The following ACYP2 variants were observed in gnomAD, a reference collection of about 807,000 sequenced individuals.
ACYP2 encodes acylphosphatase-2.
A neutral mutation model predicts 11.2 loss-of-function variants in ACYP2; 12 were observed. The ratio of observed to expected loss-of-function variants is 1.08; its 90% CI spans 0.69 to 1.74. ACYP2 has a LOEUF of 1.74. Ranked by LOEUF, ACYP2 falls within the 40% of genes most tolerant of loss-of-function variation. The pLI is 0.00. For synonymous variants in ACYP2, 43 were observed against 32.2 expected, an observed-to-expected ratio of 1.33 and a Z score of -1.13; for missense variants, 134 against 101.9, an observed-to-expected ratio of 1.31 and a Z score of -1.35.
At chr2:54,215,597 T>C (rs1181673574) in intron 6 of ACYP2, among the ~76,000 whole-genome samples, 1 of 152,168 alleles carries the variant, frequency 6.6e-6, no homozygotes, top group Non-Finnish European at 1.5e-5. Flanking sequence ...ATAGCTGCTA[T>C]TGTGGTTTGG....
chr2:54,062,928 A>G (rs1317990996), intron 4 of ACYP2, among the ~76,000 whole-genome samples: 1 of 152,154 alleles, frequency 6.6e-6, no homozygotes, highest in Non-Finnish European at 1.5e-5. Flanking sequence ...CTAGTTATTA[A>G]AGGCTTAAGA....
chr2:54,087,280 A>T (rs573912225), intron 4 of ACYP2, among the ~76,000 whole-genome samples: 2 of 152,230 alleles, frequency 1.3e-5, no homozygotes, highest in African/African-American at 4.8e-5. Flanking sequence ...TAAAGTGTAC[A>T]TTTGTTATTT....
At chr2:54,097,827 T>G (rs1382529391) in intron 4 of ACYP2, among the ~76,000 whole-genome samples, 1 of 151,972 alleles carries the variant, frequency 6.6e-6, no homozygotes, top group Non-Finnish European at 1.5e-5. Flanking sequence ...TTATACCTAA[T>G]GAATTAACAA....
chr2:54,077,063 A>G (rs535054204), intron 4 of ACYP2, among the ~76,000 whole-genome samples: 17 of 152,340 alleles, frequency 1.1e-4, no homozygotes, highest in Middle Eastern at 3.4e-3. Context: ...TACAGAGCTA[A>G]TGAAACCTAC....
chr2:54,201,660 T>TTC (rs1684823745), intron 6 of ACYP2, among the ~76,000 whole-genome samples: 1 of 94,070 alleles, frequency 1.1e-5, no homozygotes, highest in African/African-American at 3.9e-5. Flanking sequence ...CTTTCTTTCT[T>TTC]TCTTTCTTTC....
At chr2:54,073,949 G>C (rs570564650) in intron 4 of ACYP2, among the ~76,000 whole-genome samples, 6 of 152,294 alleles carry the variant, frequency 3.9e-5, no homozygotes, top group South Asian at 4.1e-4. Context: ...GAAAAATAGT[G>C]CAAATTCTTT....
Position 54,283,619 on chromosome 2 carries a change from A to T in ACYP2, c.405-21069A>T, listed in dbSNP as rs557308785. ...ACTTCGTAGTGCCTTCTGGATCATA[A>T]AGTAGATGTAATATAGTAGGAGTTT... is the stretch of plus-strand genomic sequence containing the variant. On this transcript the variant is annotated intron_variant, in intron 6 of 6. Transcript: ENST00000607452. 3.9e-5 allele frequency among the ~76,000 whole-genome samples: 6 copies of T among 152,350 alleles called. No individual in the cohort carries two copies. In the South Asian group the frequency reaches 1.2e-3, roughly 32 times the overall value.
Position 54,011,748 on chromosome 2 carries a change from T to A in ACYP2, c.62+37938T>A, listed in dbSNP as rs113733889. Among the ~76,000 whole-genome samples, 16 of 146,470 alleles carry A rather than the reference T, an allele frequency of 1.1e-4. No individual in the cohort carries two copies. The East Asian group carries it at 1.8e-3, about 17-fold the overall frequency. The stretch of plus-strand genomic sequence containing the variant: ...ATCTTTTTTGGTGTATTTTTTTTTT[T>A]AATCTAATCTTTGTTTCTCCATTCT... On this transcript the variant is annotated intron_variant, in intron 2 of 6. Coordinates refer to ENST00000607452, the MANE Select transcript of ACYP2 (RefSeq NM_001320586.2).
chr2:54,175,475 AAAC>A (rs1414235821), intron 6 of ACYP2, among the ~76,000 whole-genome samples: 2 of 151,904 alleles, frequency 1.3e-5, no homozygotes, highest in Non-Finnish European at 2.9e-5. Context: ...TCTTTTCAAA[AAAC>A]AAGCTCCTGG....
Position 54,098,842 on chromosome 2 carries a change from C to T in ACYP2, c.278-36611C>T, listed in dbSNP as rs190105483. On this transcript the variant is annotated intron_variant, in intron 4 of 6. Coordinates refer to ENST00000607452, the MANE Select transcript of ACYP2 (RefSeq NM_001320586.2). ...TCCCAGGCTCAAGTGATTCTTCTGC[C>T]TCAGCCTTCTGAGTAGCTGGAACTA... 1.0e-3 allele frequency among the ~76,000 whole-genome samples: 155 copies of T among 152,086 alleles called. 1 individual carries two copies. The highest frequency in any genetic ancestry group is 2.9e-3 in the Admixed American group (45 of 15,270).
At chr2:54,303,228 G>A (rs1689795174) in intron 6 of ACYP2, among the ~76,000 whole-genome samples, 1 of 152,102 alleles carries the variant, frequency 6.6e-6, no homozygotes, top group African/African-American at 2.4e-5. Context: ...GTGCGTGCCT[G>A]TAGTCCCAGC....
chr2:54,253,993 A>G (rs1241942385), intron 6 of ACYP2: 2 of 152,210 alleles, frequency 1.3e-5, no homozygotes, highest in Non-Finnish European at 2.9e-5. Flanking sequence ...GAGAGAAAAG[A>G]AAGTGTACAC....
intron 2 of ACYP2, among the ~76,000 whole-genome samples, chr2:54,017,029 A>G (rs1355016036): frequency 6.6e-6 from 1 of 151,764 alleles, no homozygotes; most frequent in African/African-American, 2.4e-5. Context: ...CCGGCCCTTC[A>G]GTGTCTTTTG....
intron 6 of ACYP2, among the ~76,000 whole-genome samples, chr2:54,176,054 T>G (rs1429358517): frequency 6.6e-6 from 1 of 152,204 alleles, no homozygotes; most frequent in Non-Finnish European, 1.5e-5. Flanking sequence ...AATCTATTGG[T>G]GCCTCAATCT....
chr2:54,040,384 G>C (rs1322193633), intron 2 of ACYP2, among the ~76,000 whole-genome samples: 1 of 152,130 alleles, frequency 6.6e-6, no homozygotes, highest in Non-Finnish European at 1.5e-5. Context: ...TAAGGAGGCA[G>C]CTGGATATGT....
At chr2:54,024,910 G>T (rs946477883) in intron 2 of ACYP2, among the ~76,000 whole-genome samples, 1 of 152,156 alleles carries the variant, frequency 6.6e-6, no homozygotes, top group Non-Finnish European at 1.5e-5. Flanking sequence ...AAAAATCAGT[G>T]TACACAAACC....
At chr2:54,155,866 T>C (rs1682409491) in intron 6 of ACYP2, among the ~76,000 whole-genome samples, 2 of 152,248 alleles carry the variant, frequency 1.3e-5, no homozygotes, top group East Asian at 3.8e-4. Flanking sequence ...ATTTGTGAAT[T>C]TTCCAAGATT....
intron 4 of ACYP2, among the ~76,000 whole-genome samples, chr2:54,102,766 A>G (rs1433812109): frequency 1.4e-5 from 2 of 144,024 alleles, no homozygotes; most frequent in Non-Finnish European, 3.0e-5. Context: ...CTTGCTTTTT[A>G]TCTTTTGCCC....
chr2:54,009,806 C>T (rs949785013), intron 2 of ACYP2, among the ~76,000 whole-genome samples: 2 of 152,166 alleles, frequency 1.3e-5, no homozygotes, highest in African/African-American at 4.8e-5. Flanking sequence ...AACTGGCTAA[C>T]ACTTATCATG....
Sources: allele counts gnomAD v4.1 joint callset (sites outside exome capture counted in the v4.1 genomes callset), GRCh38; gene constraint gnomAD v4.1.1; transcripts MANE v1.5; gene names NCBI Gene and HGNC (gene_info 2026-07-23, HGNC 2026-07-21).